Variants in SYNDIG1L observed in about 807,000 individuals in gnomAD.
SYNDIG1L encodes the protein synapse differentiation-inducing gene protein 1-like.
Under a neutral mutation model 20.1 loss-of-function variants are expected in SYNDIG1L, and 13 were observed. The observed-to-expected ratio is 0.65, with a 90% CI of 0.42 to 1.03. The LOEUF is 1.03. SYNDIG1L is among the 50% of genes least tolerant of loss of function. The pLI, the probability that SYNDIG1L is intolerant of heterozygous loss-of-function variation, is 0.00. For synonymous variants in SYNDIG1L, 128 were observed against 129.3 expected (o/e 0.99, Z 0.07); for missense variants, 294 against 305.1 (o/e 0.96, Z 0.27).
intron 1 of SYNDIG1L, among the ~76,000 whole-genome samples, chr14:74,416,712 G>A (rs1283937130): frequency 6.6e-6 from 1 of 152,128 alleles, no homozygotes; most frequent in Admixed American, 6.5e-5. Flanking sequence ...CTGCAAATAA[G>A]CAATGAAACT....
At chr14:74,417,502 C>T (rs779941871) in intron 1 of SYNDIG1L, among the ~76,000 whole-genome samples, 1 of 152,230 alleles carries the variant, frequency 6.6e-6, no homozygotes, top group African/African-American at 2.4e-5. Context: ...GTAACAGCTG[C>T]TATTTATTGC....
chr14:74,431,521 T>G, the SYNDIG1L span, among the ~76,000 whole-genome samples: 3 of 152,160 alleles, frequency 2.0e-5, no homozygotes, highest in Admixed American at 2.0e-4. Flanking sequence ...ATCCTCAAAA[T>G]AATTCAATAA....
rs778127136 is a variant in SYNDIG1L, at chr14:74,409,750, TG to T, written c.-7del. 77 of 1,423,546 alleles carry T rather than the reference TG, an allele frequency of 5.4e-5. No homozygotes were observed. Among genetic ancestry groups the T allele is most frequent in the Non-Finnish European group, 6.9e-5 (75 of 1,085,274 alleles). The allele number at this position is 1,423,546 out of a possible 1,614,324, so 88.2% of individuals were successfully genotyped here. ...AGTTCACTCAGACTCTCCATGGTTCTGGGGCAGCTGCTGGGGAGGGGGGCCT... is the reference window on the plus strand; with the variant it reads ...AGTTCACTCAGACTCTCCATGGTTCTGGGCAGCTGCTGGGGAGGGGGGCCT... On this transcript the variant is annotated 5_prime_UTR_variant, in exon 2 of 4. Coordinates refer to ENST00000331628, the MANE Select transcript of SYNDIG1L (RefSeq NM_001105579.2).
intron 1 of SYNDIG1L, among the ~76,000 whole-genome samples, chr14:74,413,168 G>A (rs1338068020): frequency 1.3e-5 from 2 of 152,190 alleles, no homozygotes; most frequent in African/African-American, 4.8e-5. Flanking sequence ...CACTGCTCCT[G>A]TCAGACTTTC....
chr14:74,434,709 C>T, the SYNDIG1L span, among the ~76,000 whole-genome samples: 81 of 152,132 alleles, frequency 5.3e-4, 1 homozygote, highest in African/African-American at 1.9e-3. Context: ...GGATTTAATT[C>T]ATTTCATTCT....
At chr14:74,432,180 T>TGTGTGTGTGAGAGAGA in the SYNDIG1L span, among the ~76,000 whole-genome samples, 2 of 124,158 alleles carry the variant, frequency 1.6e-5, no homozygotes, top group Admixed American at 8.2e-5. Flanking sequence ...TGTGTGTGTG[T>TGTGTGTGTGAGAGAGA]GAGAGAGAGA....
intron 1 of SYNDIG1L, among the ~76,000 whole-genome samples, chr14:74,422,091 G>A (rs1201247894): frequency 6.6e-6 from 1 of 152,160 alleles, no homozygotes; most frequent in African/African-American, 2.4e-5. Context: ...GAAACAACCT[G>A]TCTCTCCGCT....
At chr14:74,438,385 C>T in the SYNDIG1L span, among the ~76,000 whole-genome samples, 1 of 152,162 alleles carries the variant, frequency 6.6e-6, no homozygotes, top group Non-Finnish European at 1.5e-5. Flanking sequence ...TGTAAAAATT[C>T]CTGCGATTGA....
chr14:74,425,851 G>T (rs2086260338), intron 1 of SYNDIG1L, 61 bp downstream of exon 1: 1 of 152,262 alleles, frequency 6.6e-6, no homozygotes, highest in Non-Finnish European at 1.5e-5. Flanking sequence ...GCCCTCCCCA[G>T]CTCACTCCCC....
At chr14:74,424,717 A>T (rs1277846240) in intron 1 of SYNDIG1L, among the ~76,000 whole-genome samples, 1 of 152,142 alleles carries the variant, frequency 6.6e-6, no homozygotes, top group East Asian at 1.9e-4. Context: ...TAGGGGTGAC[A>T]ATAATCAGGT....
At chr14:74,445,367 AGACT>A in the SYNDIG1L span, among the ~76,000 whole-genome samples, 1 of 152,204 alleles carries the variant, frequency 6.6e-6, no homozygotes, top group African/African-American at 2.4e-5. Context: ...CAATGTGAAC[AGACT>A]AACAGACATT....
At chr14:74,450,174 T>C in the SYNDIG1L span, among the ~76,000 whole-genome samples, 1 of 152,142 alleles carries the variant, frequency 6.6e-6, no homozygotes, top group Non-Finnish European at 1.5e-5. Flanking sequence ...TGAAAAGTAA[T>C]AGATAACATG....
At chr14:74,411,293 G>A (rs2086128873) in intron 1 of SYNDIG1L, among the ~76,000 whole-genome samples, 1 of 152,220 alleles carries the variant, frequency 6.6e-6, no homozygotes, top group African/African-American at 2.4e-5. Flanking sequence ...GAGCCAAAGA[G>A]ATGGCTGGGA....
chr14:74,424,816 G>A (rs1259599390), intron 1 of SYNDIG1L, among the ~76,000 whole-genome samples: 2 of 152,148 alleles, frequency 1.3e-5, no homozygotes, highest in Admixed American at 6.5e-5. Flanking sequence ...CTCCAATCAG[G>A]TGCATTGTTT....
At chr14:74,427,473 G>T (rs2086275645), upstream of SYNDIG1L, among the ~76,000 whole-genome samples, 1 of 152,112 alleles carries the variant, frequency 6.6e-6, no homozygotes, top group African/African-American at 2.4e-5. Flanking sequence ...GTAGCTCCTA[G>T]AGTGCACAGT....
upstream of SYNDIG1L, among the ~76,000 whole-genome samples, chr14:74,427,684 C>T (rs1351499588): frequency 6.6e-6 from 1 of 152,186 alleles, no homozygotes; most frequent in African/African-American, 2.4e-5. Context: ...CAGCAAGGGT[C>T]TTGGACCACT....
chr14:74,468,008 T>C, the SYNDIG1L span, among the ~76,000 whole-genome samples: 4 of 151,744 alleles, frequency 2.6e-5, no homozygotes, highest in African/African-American at 9.7e-5. Context: ...TAGAGTGAGA[T>C]CCATGGAGCC....
At chr14:74,451,984 TAAAAAAAAAAAAAAA>T in the SYNDIG1L span, among the ~76,000 whole-genome samples, 1 of 65,248 alleles carries the variant, frequency 1.5e-5, no homozygotes, top group Non-Finnish European at 2.7e-5. Context: ...AGACTTTGTC[TAAAAAAAAAAAAAAA>T]AAAAAAAAAA....
the SYNDIG1L span, among the ~76,000 whole-genome samples, chr14:74,445,454 T>TTGTG: frequency 2.8e-3 from 413 of 147,862 alleles, no homozygotes; most frequent in African/African-American, 5.8e-3. Context: ...GTATTAAAAT[T>TTGTG]TGTGTGTGTG....
Sources: gnomAD v4.1 joint callset for allele counts (sites outside exome capture counted in the v4.1 genomes callset) on GRCh38, gnomAD v4.1.1 for gene constraint, MANE v1.5 for transcripts, NCBI Gene and HGNC (gene_info 2026-07-23, HGNC 2026-07-21) for gene names.